Variants in TRMT44 observed in about 807,000 individuals in gnomAD.
TRMT44 encodes tRNA methyltransferase 44 homolog, also known as probable tRNA (uracil-O(2)-)-methyltransferase.
In TRMT44, 78 loss-of-function variants were observed where a neutral mutation model predicts 77.3. That is an observed-to-expected ratio of 1.01 (90% CI 0.84 to 1.22). The LOEUF is 1.22. Ranked by LOEUF, TRMT44 falls within the 50% of genes most tolerant of loss-of-function variation. The pLI, the probability that TRMT44 is intolerant of heterozygous loss-of-function variation, is 0.00. For missense variants in TRMT44, 1,090 were observed against 964.4 expected (o/e 1.13, Z -1.73); for synonymous variants, 391 against 383.3 (o/e 1.02, Z -0.23).
Position 8,475,894 on chromosome 4 carries a change from A to G in TRMT44, c.2167A>G (p.Met723Val), listed in dbSNP as rs761415220. The change falls in exon 11 of 11, where the codon ATG becomes GTG. Residue 723 changes from methionine (M) to valine (V), a missense_variant. Transcript: ENST00000389737. ...CAAAACCCGCCTCTGCTGGTTCTTC[A>G]TGCATCACCCTGATGGCTGCGCTCT... ...ACKTRLCWFF[M>V]HHPDGCALST... 4 of 1,614,186 alleles carry G rather than the reference A, an allele frequency of 2.5e-6. No individual in the cohort carries two copies. Among genetic ancestry groups the G allele is most frequent in the African/African-American group, 1.3e-5 (1 of 75,026 alleles).
At chr4:8,488,444 G>C (rs112561859) in intron 2 of TRMT44, among the ~76,000 whole-genome samples, 2 of 152,210 alleles carry the variant, frequency 1.3e-5, no homozygotes, top group Non-Finnish European at 2.9e-5. Flanking sequence ...TTGTTCTCTG[G>C]TGGACAGGAG....
chr4:8,511,971 C>A, the TRMT44 span: 1 of 152,114 alleles, frequency 6.6e-6, no homozygotes, highest in African/African-American at 2.4e-5. Context: ...CTAATCTATC[C>A]CTGCAATAGA....
At position 8,440,870 on chromosome 4, in the gene TRMT44, C is replaced by T. The variant is rs1047344300; in HGVS notation, c.48C>T (p.Leu16=). 1 of 1,523,368 alleles carries T rather than the reference C, an allele frequency of 6.6e-7. No individual in the cohort carries two copies. Among genetic ancestry groups the T allele is most frequent in the Admixed American group, 2.0e-5 (1 of 50,072 alleles). The allele number at this position is 1,523,368 out of a possible 1,614,324, so 94.4% of individuals were successfully genotyped here. A position where few individuals can be genotyped will look rare whatever the true frequency, so the allele number is the denominator to read the frequency against. The part of the protein sequence containing the change: ...RTGISYPGAL[L]PQGFWAAVEV... ...GGATCAGCTACCCAGGCGCGCTTCT[C>T]CCACAGGGCTTCTGGGCTGCGGTCG... The change falls in exon 1 of 11, where the codon CTC becomes CTT. Residue 16 remains leucine (L), a synonymous_variant. Transcript: ENST00000389737.
chr4:8,488,970 G>C (rs1057245047), intron 2 of TRMT44, among the ~76,000 whole-genome samples: 2 of 152,214 alleles, frequency 1.3e-5, no homozygotes, highest in Non-Finnish European at 2.9e-5. Context: ...CCACAAGCAA[G>C]ATCTTGAAAG....
downstream of TRMT44, among the ~76,000 whole-genome samples, chr4:8,480,093 G>A (rs1474126936): frequency 6.6e-6 from 1 of 152,096 alleles, no homozygotes; most frequent in African/African-American, 2.4e-5. Context: ...GTTAGGGGTG[G>A]CGAATATTTG....
In TRMT44 at chr4:8,467,966, T is replaced by A. The variant is rs779273311; in HGVS notation, c.1547T>A (p.Val516Glu). 8 of 1,613,934 alleles carry A rather than the reference T, an allele frequency of 5.0e-6. No individual in the cohort carries two copies. The East Asian group carries it at 1.8e-4, about 36-fold the overall frequency. The change falls in exon 9 of 11, where the codon GTG becomes GAG. Residue 516 changes from valine to glutamate, a missense_variant. By Grantham distance (121) the Val-to-Glu change is moderately radical. Coordinates refer to ENST00000389737, the MANE Select transcript of TRMT44 (RefSeq NM_152544.3). ...RTYPSSREAS[V>E]DEKRTQYIKS... ...TACCCTTCCTCCAGAGAAGCTTCCG[T>A]GGATGAAAAGAGGACTCAGTACATT...
rs561819924 is a variant in TRMT44 at position 8,461,290 on chromosome 4, C to T, written c.1204-2695C>T. Among the ~76,000 whole-genome samples the T allele has an allele frequency of 1.6e-4, 24 of 152,294 alleles. No homozygotes were observed. The highest frequency in any genetic ancestry group is 7.2e-4 in the Admixed American group (11 of 15,300). On this transcript the variant is annotated intron_variant, in intron 6 of 10. Transcript: ENST00000389737. The surrounding 1 kb of genome is among the most constrained non-coding windows in gnomAD (Gnocchi z 4.6). ...ATGTTGGTAATCTAGCCAGTGCACT[C>T]GGGAGGCTCTGCAAATATGTGTGTA...
chr4:8,503,433 C>T, the TRMT44 span, among the ~76,000 whole-genome samples: 22 of 152,328 alleles, frequency 1.4e-4, no homozygotes, highest in South Asian at 4.3e-3. Flanking sequence ...GTGGAGGACA[C>T]TGGGCTGACA....
rs888396221 is a variant in TRMT44, at chr4:8,451,666, C to T, written c.955-294C>T. Among the ~76,000 whole-genome samples the T allele has an allele frequency of 2.6e-5, 4 of 152,208 alleles. No individual in the cohort carries two copies. Among genetic ancestry groups the T allele is most frequent in the African/African-American group, 9.7e-5 (4 of 41,446 alleles). ...TGCCCTTATCTGCATAGACAATGAG[C>T]ACAGTGTAGCTAAGTGTTTCCTCTG... is the stretch of plus-strand genomic sequence containing the variant. On this transcript the variant is annotated intron_variant, in intron 3 of 10. Coordinates refer to ENST00000389737, the MANE Select transcript of TRMT44 (RefSeq NM_152544.3). This position sits in a 1 kb window ranked among gnomAD's most constrained non-coding sequence, Gnocchi z 4.1.
the TRMT44 span, among the ~76,000 whole-genome samples, chr4:8,499,568 G>A: frequency 1.4e-5 from 2 of 142,318 alleles, no homozygotes; most frequent in East Asian, 4.3e-4. Context: ...GGGGTGGGGA[G>A]GGAGGGGAGT....
intron 10 of TRMT44, among the ~76,000 whole-genome samples, chr4:8,472,384 G>A (rs1436388385): frequency 6.6e-6 from 1 of 152,210 alleles, no homozygotes; most frequent in African/African-American, 2.4e-5. Context: ...GGCCTCTGAT[G>A]GGTAGGGATG....
At chr4:8,479,120 C>T (rs926268942), downstream of TRMT44, 22 of 152,266 alleles carry the variant, frequency 1.4e-4, no homozygotes, top group African/African-American at 4.8e-4. Context: ...CCACAACTGT[C>T]ACAGAACGAG....
downstream of TRMT44, among the ~76,000 whole-genome samples, chr4:8,494,317 T>C (rs1728093322): frequency 6.6e-6 from 1 of 152,124 alleles, no homozygotes; most frequent in Admixed American, 6.5e-5. Context: ...ACCCTCACAA[T>C]GTAAATGGAG....
chr4:8,515,509 G>A, the TRMT44 span, among the ~76,000 whole-genome samples: 1 of 152,234 alleles, frequency 6.6e-6, no homozygotes, highest in Admixed American at 6.5e-5. Flanking sequence ...CAGAGACAGA[G>A]GAACAGCAAG....
At chr4:8,449,956 T>TTC (rs1560222089) in intron 3 of TRMT44, 68 bp downstream of exon 3, 133 of 701,392 alleles carry the variant, frequency 1.9e-4, no homozygotes, top group South Asian at 7.8e-4. Context: ...TTTCTTTTTT[T>TTC]TTTTTTTTTT....
Position 8,449,654 on chromosome 4 carries a change from C to T in TRMT44, c.735-15C>T. On this transcript the variant is annotated splice_polypyrimidine_tract_variant and intron_variant, in intron 2 of 10. Coordinates refer to ENST00000389737, the MANE Select transcript of TRMT44 (RefSeq NM_152544.3). Reference sequence around the variant, plus strand: ...AACATATCTGTGCTTATTCATATTTCTCTTATTTTTAAAGGTTCATATCTG... The same window carrying T: ...AACATATCTGTGCTTATTCATATTTTTCTTATTTTTAAAGGTTCATATCTG... 1 of 1,507,016 alleles carries T rather than the reference C, an allele frequency of 6.6e-7. No homozygotes were observed. The highest frequency in any genetic ancestry group is 1.2e-5 in the South Asian group (1 of 82,978). The allele number at this position is 1,507,016 out of a possible 1,614,324, so 93.4% of individuals were successfully genotyped here. A position where few individuals can be genotyped will look rare whatever the true frequency, so the allele number is the denominator to read the frequency against.
chr4:8,479,585 AAG>A (rs1369698207), downstream of TRMT44: 3 of 152,088 alleles, frequency 2.0e-5, no homozygotes, highest in Non-Finnish European at 4.4e-5. Flanking sequence ...TATGATGTAA[AAG>A]AGAAAACATG....
chr4:8,470,970 G>T, intron 9 of TRMT44, 114 bp from the exon 10 acceptor site: 1 of 703,228 alleles, frequency 1.4e-6, no homozygotes, highest in Non-Finnish European at 2.5e-6. Context: ...CTTCGTGCTG[G>T]AGTGCATAAC....
intron 2 of TRMT44, among the ~76,000 whole-genome samples, chr4:8,489,580 G>A (rs572090210): frequency 3.5e-4 from 54 of 152,258 alleles, no homozygotes; most frequent in African/African-American, 1.1e-3. Context: ...AGGTTCAAGC[G>A]ATTCTCCTGC....
Sources: gnomAD v4.1 joint callset for allele counts (sites outside exome capture counted in the v4.1 genomes callset) on GRCh38, gnomAD v4.1.1 for gene constraint, Gnocchi (gnomAD v3.1) non-coding constraint, MANE v1.5 for transcripts, NCBI Gene and HGNC (gene_info 2026-07-23, HGNC 2026-07-21) for gene names.